The following REDIC1 variants were observed in gnomAD, a reference collection of about 807,000 sequenced individuals.
The protein encoded by REDIC1 is HEI10 Interacting Protein 1.
chr12:39,856,514 G>A, the REDIC1 span, among the ~76,000 whole-genome samples: 99 of 152,110 alleles, frequency 6.5e-4, no homozygotes, highest in Non-Finnish European at 1.1e-3. Context: ...GACTACAGGC[G>A]CATGCCACCA....
At chr12:39,771,928 A>T in the REDIC1 span, among the ~76,000 whole-genome samples, 20 of 152,184 alleles carry the variant, frequency 1.3e-4, 1 homozygote, top group South Asian at 4.1e-3. Context: ...CCTACTCATG[A>T]CGTTTCCTGT....
the REDIC1 span, chr12:39,829,940 T>C: frequency 2.3e-6 from 2 of 879,842 alleles, no homozygotes; most frequent in South Asian, 3.2e-5. Flanking sequence ...AACACACAAT[T>C]GCAATGCTTT....
the REDIC1 span, among the ~76,000 whole-genome samples, chr12:39,638,969 A>G: frequency 6.6e-6 from 1 of 151,992 alleles, no homozygotes; most frequent in African/African-American, 2.4e-5. Context: ...AATTTTACTG[A>G]GCTCTATAAC....
At chr12:39,753,356 T>C in the REDIC1 span, among the ~76,000 whole-genome samples, 1 of 148,456 alleles carries the variant, frequency 6.7e-6, no homozygotes, top group Non-Finnish European at 1.5e-5. Flanking sequence ...TTTTAAAACA[T>C]TGAAAAGACT....
the REDIC1 span, among the ~76,000 whole-genome samples, chr12:39,904,404 A>T: frequency 6.6e-6 from 1 of 152,060 alleles, no homozygotes; most frequent in African/African-American, 2.4e-5. Context: ...CAGTTCTCAA[A>T]CTCCAGGCAA....
At chr12:39,774,842 A>G in the REDIC1 span, among the ~76,000 whole-genome samples, 1 of 152,190 alleles carries the variant, frequency 6.6e-6, no homozygotes, top group Non-Finnish European at 1.5e-5. Context: ...ACTACCTTAT[A>G]TACCCCAAGT....
the REDIC1 span, among the ~76,000 whole-genome samples, chr12:39,742,087 T>A: frequency 6.6e-6 from 1 of 152,128 alleles, no homozygotes; most frequent in African/African-American, 2.4e-5. Flanking sequence ...ATGTCCAACA[T>A]CCCTTACCGT....
At chr12:39,702,822 A>G in the REDIC1 span, among the ~76,000 whole-genome samples, 1 of 152,238 alleles carries the variant, frequency 6.6e-6, no homozygotes, top group East Asian at 1.9e-4. Flanking sequence ...AAACAGAACC[A>G]AAGACAAAAA....
the REDIC1 span, among the ~76,000 whole-genome samples, chr12:39,794,066 C>A: frequency 2.2e-5 from 3 of 134,432 alleles, no homozygotes; most frequent in African/African-American, 5.6e-5. Context: ...CTCTAAATTA[C>A]TCTTTTGAGC....
At chr12:39,824,884 G>C in the REDIC1 span, among the ~76,000 whole-genome samples, 1 of 152,110 alleles carries the variant, frequency 6.6e-6, no homozygotes, top group Non-Finnish European at 1.5e-5. Context: ...ATCAAGGAGG[G>C]TAAATTCTAG....
the REDIC1 span, among the ~76,000 whole-genome samples, chr12:39,711,683 GCACATGTATGTGTA>G: frequency 9.4e-5 from 11 of 116,830 alleles, no homozygotes; most frequent in Admixed American, 1.7e-4. Context: ...ATGTGTGTAT[GCACATGTATGTGTA>G]TGTGTATACA....
the REDIC1 span, among the ~76,000 whole-genome samples, chr12:39,668,943 T>G: frequency 9.2e-6 from 1 of 108,744 alleles, no homozygotes; most frequent in Admixed American, 1.0e-4. Flanking sequence ...GTTATTCTAG[T>G]TGGCCATTCG....
the REDIC1 span, among the ~76,000 whole-genome samples, chr12:39,711,568 T>TGTGCATACACATGCATGTGC: frequency 5.9e-4 from 20 of 33,980 alleles, no homozygotes; most frequent in Admixed American, 9.8e-4. Context: ...TGCATGTGTA[T>TGTGCATACACATGCATGTGC]ATGTGCATAC....
chr12:39,763,009 A>G, the REDIC1 span, among the ~76,000 whole-genome samples: 1 of 152,074 alleles, frequency 6.6e-6, no homozygotes, highest in African/African-American at 2.4e-5. Flanking sequence ...TATTTGGTCT[A>G]TGCCTTTCTA....
chr12:39,896,395 T>C, the REDIC1 span, among the ~76,000 whole-genome samples: 3 of 136,192 alleles, frequency 2.2e-5, no homozygotes, highest in South Asian at 6.6e-4. Context: ...TATATGTGTA[T>C]ATATGTATAC....
At chr12:39,822,497 C>G in the REDIC1 span, among the ~76,000 whole-genome samples, 2 of 152,116 alleles carry the variant, frequency 1.3e-5, no homozygotes, top group Non-Finnish European at 2.9e-5. Context: ...TTCTCTTGTT[C>G]TCATTACTTT....
the REDIC1 span, among the ~76,000 whole-genome samples, chr12:39,887,041 T>C: frequency 2.0e-5 from 3 of 152,216 alleles, no homozygotes; most frequent in Non-Finnish European, 4.4e-5. Context: ...CAGTCCATTC[T>C]CATGCAGATT....
At chr12:39,897,936 C>A in the REDIC1 span, among the ~76,000 whole-genome samples, 1 of 151,884 alleles carries the variant, frequency 6.6e-6, no homozygotes, top group African/African-American at 2.4e-5. Flanking sequence ...ATTTTGAATT[C>A]TTCTACAATA....
At chr12:39,767,302 C>CT in the REDIC1 span, among the ~76,000 whole-genome samples, 117,738 of 147,340 alleles carry the variant, frequency 0.8, 47,091 homozygotes, top group Non-Finnish European at 0.82. Flanking sequence ...TGAAAGGAAT[C>CT]TTTTTTTTCT....
Sources: allele counts gnomAD v4.1 joint callset (sites outside exome capture counted in the v4.1 genomes callset), GRCh38; gene constraint gnomAD v4.1.1; transcripts MANE v1.5; gene names NCBI Gene and HGNC (gene_info 2026-07-23, HGNC 2026-07-21).